Variants in RARRES1 observed in about 807,000 individuals in gnomAD.
The protein encoded by RARRES1 is retinoic acid receptor responder 1.
RARRES1 carries 34 observed loss-of-function variants against 30.6 expected under a neutral mutation model. That is an observed-to-expected ratio of 1.11 (90% confidence interval 0.84 to 1.48). The LOEUF (loss-of-function observed/expected upper bound fraction) is 1.48. RARRES1 is among the 40% of genes most tolerant of loss of function. The pLI is 0.00. For synonymous variants in RARRES1, 153 were observed against 155.5 expected, an observed-to-expected ratio of 0.98 and a Z score of 0.12; for missense variants, 373 against 386.5, an observed-to-expected ratio of 0.97 and a Z score of 0.29.
Position 158,723,127 on chromosome 3 carries a change from C to G in RARRES1, c.276+9013G>C, listed in dbSNP as rs12107594. Among the ~76,000 whole-genome samples the G allele has an allele frequency of 0.036, 5,529 of 152,144 alleles. 339 individuals carry two copies. Among genetic ancestry groups the G allele is most frequent in the African/African-American group, 0.13 (5,237 of 41,494 alleles). On this transcript the variant is annotated intron_variant, in intron 1 of 5. Coordinates refer to ENST00000237696, the MANE Select transcript of RARRES1 (RefSeq NM_206963.2). This position sits in a 1 kb window ranked among gnomAD's most constrained non-coding sequence, Gnocchi z 4.4. ...CTGGTCCTTCCTGTTGTGTTAGTGC[C>G]GGTTGTGACAACGTTAATTTCCTGT...
rs1727590021 is a variant in RARRES1 at position 158,723,837 on chromosome 3, C to A, written c.276+8303G>T. Reference sequence around the variant, plus strand: ...GGGAGCAATGGGAATGGGCTGGGTCCTGGCCTGTCTCCCTGTTCCAGGTGC... The same window carrying A: ...GGGAGCAATGGGAATGGGCTGGGTCATGGCCTGTCTCCCTGTTCCAGGTGC... On this transcript the variant is annotated intron_variant, in intron 1 of 5. Transcript: ENST00000237696. The surrounding 1 kb of genome is among the most constrained non-coding windows in gnomAD (Gnocchi z 4.4). Among the ~76,000 whole-genome samples, 1 of 152,210 alleles carries A rather than the reference C, an allele frequency of 6.6e-6. No homozygotes were observed. Among genetic ancestry groups the A allele is most frequent in the Non-Finnish European group, 1.5e-5 (1 of 68,036 alleles).
At chr3:158,729,108 C>T (rs1428296108) in intron 1 of RARRES1, among the ~76,000 whole-genome samples, 3 of 152,062 alleles carry the variant, frequency 2.0e-5, no homozygotes, top group Admixed American at 2.0e-4. Flanking sequence ...TTCTAATTGG[C>T]ACTCATATCT....
Position 158,732,335 on chromosome 3 carries a change from C to T in RARRES1, c.81G>A (p.Leu27=), listed in dbSNP as rs1369096331. The change falls in exon 1 of 6, where the codon CTG becomes CTA. Residue 27 remains leucine (L), a synonymous_variant. Coordinates refer to ENST00000237696, the MANE Select transcript of RARRES1 (RefSeq NM_206963.2). ...CCGCCACCGGGGCGAGCAACAGCAG[C>T]AGCGCGAGCAGCGGGGCGGTGGGGC... ...GPRPTAPLLA[L]LLLLAPVAAP... is the part of the protein sequence containing the mutation. The T allele has an allele frequency of 1.4e-6, 2 of 1,401,466 alleles. No homozygotes were observed. Among genetic ancestry groups the T allele is most frequent in the Non-Finnish European group, 1.8e-6 (2 of 1,086,564 alleles). The allele number at this position is 1,401,466 out of a possible 1,614,324, so 86.8% of individuals were successfully genotyped here.
chr3:158,710,989 C>G, intron 2 of RARRES1, 56 bp from the exon 3 acceptor site: 2 of 1,481,188 alleles, frequency 1.4e-6, no homozygotes, highest in South Asian at 2.3e-5. Flanking sequence ...TGCACACAAG[C>G]ACACACAAGA....
At chr3:158,709,800 T>G (rs6783879) in intron 3 of RARRES1, among the ~76,000 whole-genome samples, 80,236 of 152,054 alleles carry the variant, frequency 0.53, 21,264 homozygotes, top group South Asian at 0.61. Flanking sequence ...GCCAGTAAAT[T>G]TGCTGAGTCT....
intron 4 of RARRES1, among the ~76,000 whole-genome samples, chr3:158,704,269 G>T (rs906588462): frequency 1.7e-5 from 2 of 120,408 alleles, no homozygotes; most frequent in African/African-American, 6.1e-5. Flanking sequence ...ATCTCACTCT[G>T]TTGCCCAGGA....
intron 1 of RARRES1, among the ~76,000 whole-genome samples, chr3:158,714,170 C>T (rs1341587182): frequency 2.0e-5 from 3 of 152,186 alleles, no homozygotes; most frequent in Non-Finnish European, 4.4e-5. Flanking sequence ...GGAGGGAATT[C>T]CTTCATCCCC....
rs1238224893 is a variant in RARRES1, at chr3:158,718,722, T to TG, written c.277-4864dup. ...TAAGGATGTTCCCTGAGGCACCCTG[T>TG]GGGGAGGTGGGGCTTTAGAGGCACT... On this transcript the variant is annotated intron_variant, in intron 1 of 5. Coordinates refer to ENST00000237696, the MANE Select transcript of RARRES1 (RefSeq NM_206963.2). Among the ~76,000 whole-genome samples the TG allele has an allele frequency of 4.6e-5, 7 of 152,288 alleles. No homozygotes were observed. In the South Asian group the frequency reaches 1.5e-3, roughly 32 times the overall value.
At chr3:158,721,881 C>T (rs1017536931) in intron 1 of RARRES1, among the ~76,000 whole-genome samples, 12 of 151,908 alleles carry the variant, frequency 7.9e-5, no homozygotes, top group African/African-American at 2.7e-4. Flanking sequence ...CACCTGAGGT[C>T]GAGTGTTCGA....
chr3:158,697,415 A>G lies in RARRES1; in HGVS notation c.*263T>C. ...AACATACACTGATTATCCAGGTTTT[A>G]CATTTTAGGGCTGAAACCCTGAGGA... is the stretch of plus-strand genomic sequence containing the variant. On this transcript the variant is annotated 3_prime_UTR_variant, in exon 6 of 6. Transcript: ENST00000237696. The G allele has an allele frequency of 3.1e-6, 1 of 322,424 alleles. No homozygotes were observed. Among genetic ancestry groups the G allele is most frequent in the Non-Finnish European group, 5.6e-6 (1 of 178,018 alleles). 20.0% of individuals were successfully genotyped at this position (322,424 alleles called of 1,614,324 possible). A position where few individuals can be genotyped will look rare whatever the true frequency, so the allele number is the denominator to read the frequency against.
chr3:158,715,706 G>C (rs1319074987), intron 1 of RARRES1, among the ~76,000 whole-genome samples: 2 of 152,190 alleles, frequency 1.3e-5, no homozygotes, highest in Non-Finnish European at 2.9e-5. Context: ...ACTGACCCAA[G>C]TTCAAGGATA....
intron 1 of RARRES1, among the ~76,000 whole-genome samples, chr3:158,720,260 G>GTT (rs1727466328): frequency 6.9e-6 from 1 of 144,624 alleles, no homozygotes; most frequent in South Asian, 2.3e-4. Flanking sequence ...GTGTGTGTGT[G>GTT]TGTGTATGTG....
intron 4 of RARRES1, 94 bp from the exon 5 acceptor site, chr3:158,698,064 TC>T: frequency 2.3e-6 from 2 of 882,234 alleles, no homozygotes; most frequent in Admixed American, 2.7e-5. Context: ...GTGCCTTGTG[TC>T]TCCTACTGCC....
At chr3:158,716,507 T>C (rs946397770) in intron 1 of RARRES1, among the ~76,000 whole-genome samples, 2 of 152,204 alleles carry the variant, frequency 1.3e-5, no homozygotes, top group African/African-American at 4.8e-5. Context: ...TGAGAAGGGC[T>C]CTGAGCTGGT....
At chr3:158,699,636 T>G (rs561371796) in intron 4 of RARRES1, among the ~76,000 whole-genome samples, 1 of 152,224 alleles carries the variant, frequency 6.6e-6, no homozygotes, top group Non-Finnish European at 1.5e-5. Context: ...AAGGAGGCAT[T>G]TCCTTCCCCA....
At chr3:158,720,642 T>G (rs1451804255) in intron 1 of RARRES1, among the ~76,000 whole-genome samples, 2 of 152,158 alleles carry the variant, frequency 1.3e-5, no homozygotes, top group African/African-American at 4.8e-5. Context: ...TATTATTGTT[T>G]GTTTGTTTTT....
At chr3:158,727,987 C>T (rs1576825098) in intron 1 of RARRES1, among the ~76,000 whole-genome samples, 1 of 152,164 alleles carries the variant, frequency 6.6e-6, no homozygotes, top group South Asian at 2.1e-4. Context: ...TAACTTGACG[C>T]GCCAACAGCT....
At position 158,729,160 on chromosome 3, in the gene RARRES1, GAATT is replaced by G. The variant is rs1353977433; in HGVS notation, c.276+2976_276+2979del. 2.6e-5 allele frequency among the ~76,000 whole-genome samples: 4 copies of G among 152,098 alleles called. No homozygotes were observed. The East Asian group carries it at 7.8e-4, about 30-fold the overall frequency. ...CCACCTGACATTGTTGGCAGAACATGAATTATTTCCATTCCAAACAGGGAAATAG... is the reference window on the plus strand; with the variant it reads ...CCACCTGACATTGTTGGCAGAACATGATTTCCATTCCAAACAGGGAAATAG... On this transcript the variant is annotated intron_variant, in intron 1 of 5. Coordinates refer to ENST00000237696, the MANE Select transcript of RARRES1 (RefSeq NM_206963.2).
chr3:158,708,691 G>A (rs757741668), intron 3 of RARRES1, among the ~76,000 whole-genome samples: 3 of 151,792 alleles, frequency 2.0e-5, no homozygotes, highest in Non-Finnish European at 4.4e-5. Context: ...TTGAGACGGA[G>A]TTTCGCTCTG....
Sources: gnomAD v4.1 joint callset for allele counts (sites outside exome capture counted in the v4.1 genomes callset) on GRCh38, gnomAD v4.1.1 for gene constraint, Gnocchi (gnomAD v3.1) non-coding constraint, MANE v1.5 for transcripts, NCBI Gene and HGNC (gene_info 2026-07-23, HGNC 2026-07-21) for gene names.